Variants in COL6A3 observed in about 807,000 individuals in gnomAD.
The protein encoded by COL6A3 is collagen alpha-3(VI) chain.
In COL6A3, 137 loss-of-function variants were observed where a neutral mutation model predicts 274.1. The observed-to-expected ratio is 0.50, with a 90% CI of 0.44 to 0.58. The LOEUF is 0.58. Ranked by LOEUF, COL6A3 falls within the 20% of genes least tolerant of loss-of-function variation. The probability of loss-of-function intolerance (pLI) is 0.00; values close to 1 mark genes in which losing one functional copy is unlikely to be tolerated. For synonymous variants in COL6A3, 1,650 were observed against 1,650.6 expected, an observed-to-expected ratio of 1.00 and a Z score of 0.01; for missense variants, 3,950 against 4,124.9, an observed-to-expected ratio of 0.96 and a Z score of 1.16.
In COL6A3 at chr2:237,346,514, G is replaced by T; in HGVS notation, c.7081C>A (p.Pro2361Thr). 6.2e-7 allele frequency: 1 copy of T among 1,613,948 alleles called. No homozygotes were observed. The highest frequency in any genetic ancestry group is 8.5e-7 in the Non-Finnish European group (1 of 1,179,912). The change falls in exon 32 of 44, where the codon CCA becomes ACA. Residue 2361 changes from proline (P) to threonine (T), a missense_variant. This residue lies in a region of COL6A3 where 1,284 missense variants were observed against 1,349.7 expected (regional missense o/e 0.95). Transcript: ENST00000295550. ...GGATAAATACTTACAGCTGGTCCTG[G>T]GTAGCCAGGGTCTCCCTTCTGTCCA... ...IVGQKGDPGY[P>T]GPAGPKGNRG...
At chr2:237,345,840 T>C (rs2077087658) in intron 32 of COL6A3, among the ~76,000 whole-genome samples, 1 of 152,212 alleles carries the variant, frequency 6.6e-6, no homozygotes, top group African/African-American at 2.4e-5. Context: ...CAGACCCACC[T>C]GACCAGCTTT....
intron 1 of COL6A3, among the ~76,000 whole-genome samples, chr2:237,402,913 C>T (rs527852143): frequency 1.4e-4 from 21 of 152,286 alleles, no homozygotes; most frequent in African/African-American, 5.1e-4. Context: ...TTCCATTTTC[C>T]CCATACAGCT....
intron 30 of COL6A3, 63 bp from the exon 31 acceptor site, chr2:237,347,932 G>C: frequency 6.8e-7 from 1 of 1,477,668 alleles, no homozygotes. Flanking sequence ...CTGAGGGTCC[G>C]TGGGGTAAGA....
In COL6A3 at chr2:237,376,910, C is replaced by A. The variant is rs768292803; in HGVS notation, c.2932G>T (p.Ala978Ser). The A allele has an allele frequency of 1.2e-6, 2 of 1,614,206 alleles. No homozygotes were observed. The highest frequency in any genetic ancestry group is 1.7e-6 in the Non-Finnish European group (2 of 1,180,034). The stretch of plus-strand genomic sequence containing the variant: ...ATCTGCTCTAACTCAGCAGGGTCTG[C>A]GTTCTTGGCTTGGAAGATGAAAGGC... Reference protein sequence around the residue: ...VVPFIFQAKNADPAELEQIVL... With the variant: ...VVPFIFQAKNSDPAELEQIVL... Residue 978 changes from alanine to serine, a missense_variant, in exon 7 of 44, where the codon GCA becomes TCA. By Grantham distance (99) the Ala-to-Ser change is moderately conservative (BLOSUM62 1). This residue lies in a region of COL6A3 where 1,934 missense variants were observed against 1,984.3 expected (regional missense o/e 0.97). Coordinates refer to ENST00000295550, the MANE Select transcript of COL6A3 (RefSeq NM_004369.4).
At chr2:237,366,582 A>G (rs1388620142) in intron 11 of COL6A3, 105 bp downstream of exon 11, 3 of 1,571,854 alleles carry the variant, frequency 1.9e-6, no homozygotes, top group African/African-American at 2.7e-5. Flanking sequence ...GTATGAAGCA[A>G]CCAAATGCCT....
Position 237,341,258 on chromosome 2 carries a change from A to T in COL6A3, c.7766-108T>A. Reference sequence around the variant, plus strand: ...CGATTAAAATGATCACATAAGATCAAAAGCGGGCCGGAAGCGGTGGCTCAC... The same window carrying T: ...CGATTAAAATGATCACATAAGATCATAAGCGGGCCGGAAGCGGTGGCTCAC... On this transcript the variant is annotated intron_variant, in intron 37 of 43. Transcript: ENST00000295550. The T allele has an allele frequency of 5.1e-6, 6 of 1,177,662 alleles. No homozygotes were observed. The South Asian group carries it at 6.2e-5, about 12-fold the overall frequency. The allele number at this position is 1,177,662 out of a possible 1,614,324, so 73.0% of individuals were successfully genotyped here. A position where few individuals can be genotyped will look rare whatever the true frequency, so the allele number is the denominator to read the frequency against.
intron 26 of COL6A3, 50 bp downstream of exon 26, chr2:237,352,472 A>AAG (rs1157596760): frequency 1.3e-6 from 2 of 1,546,740 alleles, no homozygotes; most frequent in Non-Finnish European, 1.8e-6. Flanking sequence ...CTGCTTGGCA[A>AAG]TGTGCCCTCT....
chr2:237,353,429 A>T, intron 24 of COL6A3, 26 bp from the exon 25 acceptor site: 1 of 1,608,242 alleles, frequency 6.2e-7, no homozygotes, highest in South Asian at 1.1e-5. Flanking sequence ...AGATGCAGGG[A>T]GGAGTCAGGA....
intron 40 of COL6A3, among the ~76,000 whole-genome samples, chr2:237,335,560 G>T (rs1700495885): frequency 1.3e-5 from 2 of 152,184 alleles, no homozygotes; most frequent in East Asian, 3.9e-4. Flanking sequence ...ATGACTGATG[G>T]TCCAGGCTCT....
In COL6A3 at chr2:237,344,396, A is replaced by G; in HGVS notation, c.7622T>C (p.Leu2541Ser). ...LKLSDAGITP[L>S]FLTRQEDRQL... The stretch of plus-strand genomic sequence containing the variant: ...CCGGTCTTCCTGCCTTGTAAGGAAC[A>G]AGGGGGTGATCCCCGCATCTGAGAG... The change falls in exon 36 of 44, where the codon TTG becomes TCG. Residue 2541 changes from leucine (L) to serine (S), a missense_variant. Coordinates refer to ENST00000295550, the MANE Select transcript of COL6A3 (RefSeq NM_004369.4). This position sits in a 1 kb window ranked among gnomAD's most constrained non-coding sequence, Gnocchi z 4.8. The G allele has an allele frequency of 6.2e-7, 1 of 1,614,136 alleles. No individual in the cohort carries two copies. The highest frequency in any genetic ancestry group is 1.3e-5 in the African/African-American group (1 of 75,040).
chr2:237,365,576 A>T (rs966601175), intron 12 of COL6A3, 122 bp downstream of exon 12: 3 of 884,022 alleles, frequency 3.4e-6, no homozygotes, highest in East Asian at 2.5e-5. Context: ...GGGATTTTCC[A>T]TATAGACACT....
At chr2:237,360,015 C>A in intron 17 of COL6A3, 73 bp downstream of exon 17, 1 of 1,498,538 alleles carries the variant, frequency 6.7e-7, no homozygotes, top group East Asian at 2.3e-5. Flanking sequence ...GCCTCCCTCC[C>A]TGGCAGCATC....
Position 237,365,810 on chromosome 2 carries a change from T to C in COL6A3, c.5726A>G (p.Glu1909Gly). The C allele has an allele frequency of 1.9e-6, 3 of 1,614,190 alleles. No individual in the cohort carries two copies. Among genetic ancestry groups the C allele is most frequent in the Non-Finnish European group, 2.5e-6 (3 of 1,180,030 alleles). Residue 1909 changes from glutamate to glycine, a missense_variant, in exon 12 of 44, where the codon GAG (glutamate) becomes GGG (glycine). By Grantham distance (98) the Glu-to-Gly change is moderately conservative. Transcript: ENST00000295550. The part of the protein sequence containing the change: ...EAFDFDEYQP[E>G]MLEKFRNMRS... ...CATGTTCCGGAACTTCTCGAGCATC[T>C]CTGGCTGGTACTCGTCAAAGTCAAA...
chr2:237,342,155 T>C lies in COL6A3; in HGVS notation c.7675A>G (p.Asn2559Asp), dbSNP rs1188654455. ...RQLINALQIN[N>D]TAVGHALVLP... ...ACAAGCGCATGCCCCACTGCTGTGT[T>C]ATTGATCTGGTTTAAACAAAAGAAC... Residue 2559 changes from asparagine (N) to aspartate (D), a missense_variant, in exon 37 of 44, where the codon AAC becomes GAC. Transcript: ENST00000295550. 6.2e-7 allele frequency: 1 copy of C among 1,614,162 alleles called. No homozygotes were observed. The highest frequency in any genetic ancestry group is 8.5e-7 in the Non-Finnish European group (1 of 1,180,002).
At position 237,378,811 on chromosome 2, in the gene COL6A3, A is replaced by T. The variant is rs1669867578; in HGVS notation, c.2322T>A (p.Phe774Leu). Residue 774 changes from phenylalanine to leucine, a missense_variant, in exon 6 of 44, where the codon TTT becomes TTA. By Grantham distance (22) the Phe-to-Leu change is conservative (BLOSUM62 0). Around this residue, in one of 5 missense-constraint regions of COL6A3, gnomAD observed 1,934 missense variants for 1,984.3 expected, o/e 0.97. Transcript: ENST00000295550. ...TATTCGCCTGGCTAGCTCCCACACA[A>T]AAAGTCAGGATGCCCGCGCGTGTCA... ...NALTRAGILTFCVGASQANKA... is the reference protein window; with the variant it reads ...NALTRAGILTLCVGASQANKA... The T allele has an allele frequency of 6.2e-7, 1 of 1,614,242 alleles. No individual in the cohort carries two copies. Among genetic ancestry groups the T allele is most frequent in the African/African-American group, 1.3e-5 (1 of 75,062 alleles).
At chr2:237,412,932 G>A (rs188840054) in intron 1 of COL6A3, among the ~76,000 whole-genome samples, 78 of 152,290 alleles carry the variant, frequency 5.1e-4, no homozygotes, top group African/African-American at 1.9e-3. Flanking sequence ...CACCGGCCTC[G>A]AAACTGGCTC....
At position 237,324,733 on chromosome 2, in the gene COL6A3, T is replaced by C. The variant is rs1315376045; in HGVS notation, c.*41A>G. 6.2e-7 allele frequency: 1 copy of C among 1,605,786 alleles called. No homozygotes were observed. The highest frequency in any genetic ancestry group is 8.5e-7 in the Non-Finnish European group (1 of 1,172,722). On this transcript the variant is annotated 3_prime_UTR_variant, in exon 44 of 44. Coordinates refer to ENST00000295550, the MANE Select transcript of COL6A3 (RefSeq NM_004369.4). ...CAGAGACAAGTTGGCGATGGCTGAC[T>C]CCTTCTTCTTCAAGAGGTATATGAT...
At chr2:237,372,606 C>G in intron 8 of COL6A3, among the ~76,000 whole-genome samples, 1 of 152,352 alleles carries the variant, frequency 6.6e-6, no homozygotes. Context: ...ACGTGACCTG[C>G]ACTGCATCAG....
intron 4 of COL6A3, 121 bp downstream of exon 4, chr2:237,387,461 T>G: frequency 6.9e-7 from 1 of 1,452,856 alleles, no homozygotes; most frequent in Non-Finnish European, 9.5e-7. Flanking sequence ...AGGGAAGGAC[T>G]GGACTGTGGG....
Sources: allele counts gnomAD v4.1 joint callset (sites outside exome capture counted in the v4.1 genomes callset), GRCh38; gene constraint gnomAD v4.1.1; regional missense constraint gnomAD v4.1.1; non-coding constraint Gnocchi (gnomAD v3.1); transcripts MANE v1.5; gene names NCBI Gene and HGNC (gene_info 2026-07-23, HGNC 2026-07-21).